The following ANK3 variants were observed in gnomAD, a reference collection of about 807,000 sequenced individuals.
ANK3 encodes ankyrin-3.
Under a neutral mutation model 370.9 loss-of-function variants are expected in ANK3, and 57 were observed. That is an observed-to-expected ratio of 0.15 (90% confidence interval 0.12 to 0.19). The LOEUF (loss-of-function observed/expected upper bound fraction) is 0.19, where lower values mean the gene tolerates loss of function less well. Ranked by LOEUF, ANK3 falls within the 10% of genes least tolerant of loss-of-function variation. ANK3 has a pLI of 1.00. For missense variants in ANK3, 4,439 were observed against 5,302.1 expected, an observed-to-expected ratio of 0.84 and a Z score of 5.06; for synonymous variants, 1,929 against 1,946.3, an observed-to-expected ratio of 0.99 and a Z score of 0.23.
chr10:60,164,971 A>T (rs960535687), intron 23 of ANK3, among the ~76,000 whole-genome samples: 3 of 152,204 alleles, frequency 2.0e-5, no homozygotes, highest in African/African-American at 7.2e-5. Flanking sequence ...CCAAGCTGAG[A>T]TAAACACATT....
At chr10:60,110,148 C>T (rs9645494) in intron 26 of ANK3, among the ~76,000 whole-genome samples, 150,630 of 152,266 alleles carry the variant, frequency 0.99, 74,523 homozygotes, top group Middle Eastern at 1. Context: ...ATCTTTACTA[C>T]TTTTTCCCCT....
intron 2 of ANK3, among the ~76,000 whole-genome samples, chr10:60,397,578 T>C (rs150192791): frequency 6.6e-6 from 1 of 152,314 alleles, no homozygotes; most frequent in Non-Finnish European, 1.5e-5. Flanking sequence ...AGATTGGCAC[T>C]CAGGGTTCCT....
upstream of ANK3, among the ~76,000 whole-genome samples, chr10:60,390,446 C>A (rs1399846861): frequency 6.6e-6 from 1 of 152,048 alleles, no homozygotes; most frequent in Non-Finnish European, 1.5e-5. Context: ...CACTGAAATG[C>A]AGATTTGCTT....
chr10:60,564,983 A>G (rs138946854), intron 2 of ANK3, among the ~76,000 whole-genome samples: 2 of 151,842 alleles, frequency 1.3e-5, no homozygotes, highest in East Asian at 3.9e-4. Flanking sequence ...TGCCCCTTAA[A>G]AAATAATCAC....
intron 2 of ANK3, among the ~76,000 whole-genome samples, chr10:60,453,667 G>T (rs972109951): frequency 5.9e-5 from 9 of 151,928 alleles, no homozygotes; most frequent in Non-Finnish European, 1.2e-4. Flanking sequence ...ACTGAAAATG[G>T]ACCTTTTTTT....
At chr10:60,045,455 A>G (rs2076796345) in intron 42 of ANK3, among the ~76,000 whole-genome samples, 1 of 152,136 alleles carries the variant, frequency 6.6e-6, no homozygotes, top group Non-Finnish European at 1.5e-5. Context: ...ACGACAAACT[A>G]CTCAGCAGAA....
At position 60,114,250 on chromosome 10, in the gene ANK3, G is replaced by T; in HGVS notation, c.2923C>A (p.Leu975Ile). The T allele has an allele frequency of 6.2e-7, 1 of 1,606,340 alleles. No individual in the cohort carries two copies. The highest frequency in any genetic ancestry group is 8.5e-7 in the Non-Finnish European group (1 of 1,176,468). Residue 975 changes from leucine to isoleucine, a missense_variant, in exon 26 of 44, where the codon CTT (leucine) becomes ATT (isoleucine). By Grantham distance (5) the Leu-to-Ile change is conservative. Coordinates refer to ENST00000280772, the MANE Select transcript of ANK3 (RefSeq NM_020987.5). ...CCAGAATGAATGGGGCTTGAAACAA[G>T]ATTGACATTGTCTAAGGTGTCTGCA... ...WAADTLDNVNLVSSPIHSGFL... is the reference protein window; with the variant it reads ...WAADTLDNVNIVSSPIHSGFL...
intron 2 of ANK3, among the ~76,000 whole-genome samples, chr10:60,414,952 C>CG (rs2063630628): frequency 6.6e-6 from 1 of 152,212 alleles, no homozygotes; most frequent in Non-Finnish European, 1.5e-5. Context: ...CCCACAATGA[C>CG]TGTGAGAACA....
At chr10:60,270,303 T>G (rs1162741635) in intron 4 of ANK3, 74 bp from the exon 5 acceptor site, 1 of 953,346 alleles carries the variant, frequency 1.0e-6, no homozygotes. Flanking sequence ...ACTGATGATT[T>G]ATGCTCCAAG....
At chr10:60,532,129 T>TA (rs1457324638) in intron 2 of ANK3, among the ~76,000 whole-genome samples, 1 of 152,182 alleles carries the variant, frequency 6.6e-6, no homozygotes, top group Non-Finnish European at 1.5e-5. Context: ...AACCTCTTTC[T>TA]AAAATCAAAA....
intron 2 of ANK3, among the ~76,000 whole-genome samples, chr10:60,492,739 A>G (rs1414919122): frequency 2.0e-5 from 3 of 147,448 alleles, no homozygotes; most frequent in Admixed American, 1.4e-4. Context: ...GAAAGAAAGA[A>G]AAAAAAAAGA....
chr10:60,106,597 T>C (rs1217365937), intron 27 of ANK3, among the ~76,000 whole-genome samples: 6 of 146,008 alleles, frequency 4.1e-5, no homozygotes, highest in Non-Finnish European at 8.9e-5. Context: ...ACAATTCCTG[T>C]GTTTTTCAAT....
At chr10:60,083,898 C>A (rs916761268) in intron 32 of ANK3, 3 of 231,088 alleles carry the variant, frequency 1.3e-5, no homozygotes, top group Non-Finnish European at 2.5e-5. Flanking sequence ...TGACATCAAT[C>A]ACTTATTCGT....
intron 1 of ANK3, among the ~76,000 whole-genome samples, chr10:60,324,518 GAGCCTAAGTGA>G (rs2049367210): frequency 6.6e-6 from 1 of 152,132 alleles, no homozygotes; most frequent in South Asian, 2.1e-4. Flanking sequence ...AACCTGGAAG[GAGCCTAAGTGA>G]AGGCTGTTCT....
At chr10:60,132,017 A>G (rs1210608023) in intron 25 of ANK3, among the ~76,000 whole-genome samples, 2 of 152,124 alleles carry the variant, frequency 1.3e-5, no homozygotes, top group African/African-American at 2.4e-5. Flanking sequence ...AGTGTAGAGA[A>G]TAACAGGCAT....
intron 2 of ANK3, among the ~76,000 whole-genome samples, chr10:60,399,491 G>C (rs933520628): frequency 6.6e-6 from 1 of 152,042 alleles, no homozygotes; most frequent in Non-Finnish European, 1.5e-5. Flanking sequence ...CCTCAAGGTT[G>C]TTATTAAATT....
intron 28 of ANK3, among the ~76,000 whole-genome samples, chr10:60,095,768 C>T (rs1181088876): frequency 6.6e-6 from 1 of 152,176 alleles, no homozygotes; most frequent in African/African-American, 2.4e-5. Flanking sequence ...CTATTATGTC[C>T]ATGTGTTTAT....
At chr10:60,553,736 T>G (rs984696308) in intron 2 of ANK3, among the ~76,000 whole-genome samples, 8 of 152,282 alleles carry the variant, frequency 5.3e-5, no homozygotes, top group Admixed American at 2.6e-4. Context: ...TAAAAAAATT[T>G]TTTTTGAAAA....
At chr10:60,439,857 A>G (rs2133003940) in intron 2 of ANK3, among the ~76,000 whole-genome samples, 1 of 152,292 alleles carries the variant, frequency 6.6e-6, no homozygotes, top group Admixed American at 6.5e-5. Flanking sequence ...TTTTTCCTAA[A>G]TTTCCACTTT....
Sources: gnomAD v4.1 joint callset for allele counts (sites outside exome capture counted in the v4.1 genomes callset) on GRCh38, gnomAD v4.1.1 for gene constraint, MANE v1.5 for transcripts, NCBI Gene and HGNC (gene_info 2026-07-23, HGNC 2026-07-21) for gene names.